The following TAFA2 variants were observed in gnomAD, a reference collection of about 807,000 sequenced individuals.
The protein encoded by TAFA2 is chemokine-like protein TAFA-2.
Under a neutral mutation model 18.8 loss-of-function variants are expected in TAFA2, and 7 were observed. The ratio of observed to expected loss-of-function variants is 0.37; its 90% CI spans 0.21 to 0.70. The LOEUF is 0.70. Among genes scored for constraint, TAFA2 ranks in the 30% least tolerant of loss-of-function variants. The probability of loss-of-function intolerance (pLI) is 0.53; values close to 1 mark genes in which losing one functional copy is unlikely to be tolerated. For missense variants in TAFA2, 122 were observed against 158.1 expected (o/e 0.77, Z 1.23); for synonymous variants, 60 against 54.2 (o/e 1.11, Z -0.47).
chr12:61,981,121 T>A (rs1344128622), intron 1 of TAFA2, among the ~76,000 whole-genome samples: 2 of 151,796 alleles, frequency 1.3e-5, no homozygotes, highest in African/African-American at 4.8e-5. Context: ...TATAGATGAA[T>A]GGAACAGAAC....
At chr12:62,168,855 A>G (rs2062457181) in intron 1 of TAFA2, among the ~76,000 whole-genome samples, 1 of 151,806 alleles carries the variant, frequency 6.6e-6, no homozygotes, top group Non-Finnish European at 1.5e-5. Context: ...AAACAAACAA[A>G]CAAAACAGGC....
At chr12:62,154,680 T>TG (rs11413026) in intron 1 of TAFA2, among the ~76,000 whole-genome samples, 144,762 of 152,234 alleles carry the variant, frequency 0.95, 69,257 homozygotes, top group South Asian at 1. Flanking sequence ...TCCGGTATCA[T>TG]GAAAAAGACC....
At chr12:61,844,614 G>C (rs1873326342) in intron 2 of TAFA2, among the ~76,000 whole-genome samples, 1 of 152,112 alleles carries the variant, frequency 6.6e-6, no homozygotes, top group South Asian at 2.1e-4. Flanking sequence ...AATTTGAAAT[G>C]AAAGTAAACA....
intron 1 of TAFA2, among the ~76,000 whole-genome samples, chr12:61,956,903 C>G (rs1359996515): frequency 1.3e-5 from 2 of 152,094 alleles, no homozygotes; most frequent in Non-Finnish European, 1.5e-5. Context: ...TGACAGTTAT[C>G]CAAGTTTTGT....
At chr12:62,190,510 T>G (rs1323233490) in intron 1 of TAFA2, among the ~76,000 whole-genome samples, 4 of 152,018 alleles carry the variant, frequency 2.6e-5, no homozygotes, top group Admixed American at 2.0e-4. Context: ...CGGAAAGAAA[T>G]AAAAAACCAT....
intron 2 of TAFA2, 24 bp downstream of exon 2, chr12:61,867,296 G>GAAAA: frequency 1.6e-6 from 2 of 1,287,098 alleles, no homozygotes; most frequent in Non-Finnish European, 2.2e-6. Context: ...ACATTTAGTT[G>GAAAA]AAAAAAAAAA....
chr12:62,037,988 T>C (rs1881654461), intron 1 of TAFA2, among the ~76,000 whole-genome samples: 1 of 152,186 alleles, frequency 6.6e-6, no homozygotes, highest in Non-Finnish European at 1.5e-5. Context: ...AGTTTTATCA[T>C]TTCATTTGTA....
At chr12:62,150,322 T>C (rs2062318819) in intron 1 of TAFA2, among the ~76,000 whole-genome samples, 1 of 152,196 alleles carries the variant, frequency 6.6e-6, no homozygotes, top group Non-Finnish European at 1.5e-5. Flanking sequence ...TTCCTATTTT[T>C]GAAAACAGAT....
chr12:61,954,614 G>C (rs1407382083), intron 1 of TAFA2, among the ~76,000 whole-genome samples: 4 of 152,074 alleles, frequency 2.6e-5, no homozygotes, highest in African/African-American at 9.7e-5. Context: ...GAGCTGACAA[G>C]ACAATATACT....
chr12:61,837,775 G>T (rs1013078206), intron 2 of TAFA2, among the ~76,000 whole-genome samples: 6 of 151,846 alleles, frequency 4.0e-5, no homozygotes, highest in African/African-American at 1.5e-4. Context: ...AAGAGATGGC[G>T]AACAAATTAT....
rs1376111867 is a variant in TAFA2, at chr12:62,047,893, T to C, written c.-2+143366A>G. Among the ~76,000 whole-genome samples the C allele has an allele frequency of 3.9e-5, 6 of 152,252 alleles. No individual in the cohort carries two copies. In the South Asian group the frequency reaches 6.2e-4, roughly 16 times the overall value. On this transcript the variant is annotated intron_variant, in intron 1 of 4. Coordinates refer to ENST00000416284, the MANE Select transcript of TAFA2 (RefSeq NM_178539.5). Reference sequence around the variant, plus strand: ...TTCCTAAATAGAACCTCTTCACAAGTTCTAGATGTGTAGGTCTTCAAAATA... The same window carrying C: ...TTCCTAAATAGAACCTCTTCACAAGCTCTAGATGTGTAGGTCTTCAAAATA...
chr12:61,982,560 TG>T (rs1439300155), intron 1 of TAFA2, among the ~76,000 whole-genome samples: 1 of 152,216 alleles, frequency 6.6e-6, no homozygotes, highest in East Asian at 1.9e-4. Context: ...CATGTATCCA[TG>T]TTGCTCTGTT....
At chr12:61,978,405 T>C (rs549265166) in intron 1 of TAFA2, among the ~76,000 whole-genome samples, 6 of 152,176 alleles carry the variant, frequency 3.9e-5, no homozygotes, top group African/African-American at 1.4e-4. Flanking sequence ...CAATATTTTA[T>C]AGCAAATACT....
intron 1 of TAFA2, among the ~76,000 whole-genome samples, chr12:61,881,597 C>T (rs2121272230): frequency 6.6e-6 from 1 of 152,168 alleles, no homozygotes; most frequent in African/African-American, 2.4e-5. Context: ...GCCATACAGC[C>T]CAGTCAGTGA....
intron 2 of TAFA2, among the ~76,000 whole-genome samples, chr12:61,836,756 T>TATATATATATATACACACACAC (rs68158949): frequency 3.3e-5 from 4 of 119,848 alleles, no homozygotes; most frequent in Admixed American, 9.5e-5. Flanking sequence ...TATATATATA[T>TATATATATATATACACACACAC]ACACACACAC....
intron 4 of TAFA2, among the ~76,000 whole-genome samples, chr12:61,733,980 G>A (rs1447233924): frequency 1.4e-5 from 2 of 147,888 alleles, no homozygotes; most frequent in African/African-American, 5.0e-5. Context: ...CCTTGAAGAG[G>A]TCCTTCACAT....
intron 1 of TAFA2, among the ~76,000 whole-genome samples, chr12:61,895,057 GTTCCA>G (rs991804088): frequency 1.1e-4 from 16 of 152,104 alleles, no homozygotes; most frequent in Non-Finnish European, 2.4e-4. Flanking sequence ...CAAAATTGAA[GTTCCA>G]TTCCATTTTT....
At chr12:61,822,413 C>T (rs1456501594) in intron 2 of TAFA2, among the ~76,000 whole-genome samples, 2 of 152,126 alleles carry the variant, frequency 1.3e-5, no homozygotes, top group African/African-American at 4.8e-5. Flanking sequence ...TTCAGTCCTG[C>T]TCCTATTCCA....
At chr12:62,159,978 T>G (rs922614194) in intron 1 of TAFA2, among the ~76,000 whole-genome samples, 1 of 152,196 alleles carries the variant, frequency 6.6e-6, no homozygotes, top group Non-Finnish European at 1.5e-5. Context: ...CCCCTGCTAC[T>G]CTATGTATTT....
Sources: gnomAD v4.1 joint callset for allele counts (sites outside exome capture counted in the v4.1 genomes callset) on GRCh38, gnomAD v4.1.1 for gene constraint, MANE v1.5 for transcripts, NCBI Gene and HGNC (gene_info 2026-07-23, HGNC 2026-07-21) for gene names.